Variants in ZNF227 observed in about 807,000 individuals in gnomAD.
The protein encoded by ZNF227 is zinc finger protein 227.
Under a neutral mutation model 13.2 loss-of-function variants are expected in ZNF227, and 12 were observed. The ratio of observed to expected loss-of-function variants is 0.91; its 90% CI spans 0.58 to 1.47. ZNF227 has a LOEUF of 1.47. ZNF227 is among the 40% of genes most tolerant of loss of function. The pLI, the probability that ZNF227 is intolerant of heterozygous loss-of-function variation, is 0.00. For missense variants in ZNF227, 885 were observed against 967.5 expected (o/e 0.91, Z 1.13); for synonymous variants, 338 against 326.0 (o/e 1.04, Z -0.40).
Position 44,234,717 on chromosome 19 carries a change from A to C in ZNF227, c.287A>C (p.Asn96Thr). Residue 96 changes from asparagine (N) to threonine (T), a missense_variant, in exon 6 of 6, where the codon AAT becomes ACT. Asn to Thr is a moderately conservative substitution (Grantham distance 65). Transcript: ENST00000313040. Reference protein sequence around the residue: ...TETQRSSKHQNKMETLQKFAL... With the variant: ...TETQRSSKHQTKMETLQKFAL... ...TTTTTAATAGGCAGCAAGCATCAAAATAAGATGGAAACACTCCAAAAATTT... is the reference window on the plus strand; with the variant it reads ...TTTTTAATAGGCAGCAAGCATCAAACTAAGATGGAAACACTCCAAAAATTT... 1 of 1,587,668 alleles carries C rather than the reference A, an allele frequency of 6.3e-7. No homozygotes were observed. Among genetic ancestry groups the C allele is most frequent in the East Asian group, 2.2e-5 (1 of 44,768 alleles).
At chr19:44,208,528 G>A (rs558918958), upstream of ZNF227, among the ~76,000 whole-genome samples, 23 of 152,274 alleles carry the variant, frequency 1.5e-4, no homozygotes, top group East Asian at 7.7e-4. Context: ...GGCTTACATA[G>A]CCGCTAATGA....
intron 5 of ZNF227, among the ~76,000 whole-genome samples, chr19:44,232,661 CTTGT>C (rs1386257499): frequency 6.6e-6 from 1 of 151,002 alleles, no homozygotes; most frequent in African/African-American, 2.4e-5. Flanking sequence ...CTATAAATTG[CTTGT>C]TTTTTTGTTT....
chr19:44,220,259 T>C (rs1434828393), intron 3 of ZNF227, among the ~76,000 whole-genome samples: 1 of 152,172 alleles, frequency 6.6e-6, no homozygotes, highest in Non-Finnish European at 1.5e-5. Context: ...TGTGTCTTTA[T>C]AGCAGCATGA....
chr19:44,236,478 C>G lies in ZNF227; in HGVS notation c.2048C>G (p.Thr683Ser). 6.2e-7 allele frequency: 1 copy of G among 1,614,038 alleles called. No individual in the cohort carries two copies. Among genetic ancestry groups the G allele is most frequent in the Non-Finnish European group, 8.5e-7 (1 of 1,180,024 alleles). The change falls in exon 6 of 6, where the codon ACT (threonine) becomes AGT (serine). Residue 683 changes from threonine to serine, a missense_variant. Physicochemically the swap from Thr to Ser is moderately conservative, Grantham distance 58. Coordinates refer to ENST00000313040, the MANE Select transcript of ZNF227 (RefSeq NM_182490.3). The part of the protein sequence containing the change: ...SQFIYHQRGH[T>S]GEKPYKCEEC... ...TTTATATACCATCAGAGAGGCCACA[C>G]TGGAGAAAAACCTTACAAATGTGAA...
At chr19:44,224,577 A>G (rs1004137952) in intron 3 of ZNF227, among the ~76,000 whole-genome samples, 1 of 152,116 alleles carries the variant, frequency 6.6e-6, no homozygotes, top group Non-Finnish European at 1.5e-5. Flanking sequence ...TATCAGAGAC[A>G]AGGATTGCAA....
In ZNF227 at chr19:44,235,099, A is replaced by G. The variant is rs1482361324; in HGVS notation, c.669A>G (p.Pro223=). 1 of 1,614,124 alleles carries G rather than the reference A, an allele frequency of 6.2e-7. No individual in the cohort carries two copies. The highest frequency in any genetic ancestry group is 2.2e-5 in the East Asian group (1 of 44,880). The change falls in exon 6 of 6, where the codon CCA becomes CCG. Residue 223 remains proline, a synonymous_variant. Transcript: ENST00000313040. ...AGCATATTAAAACTGACACAGAACC[A>G]AAACCCTGCAAAGGTAATGAATATG... is the stretch of plus-strand genomic sequence containing the variant. The part of the protein sequence containing the change: ...FHEHIKTDTE[P]KPCKGNEYGK...
At chr19:44,231,746 A>G (rs1337137869) in intron 5 of ZNF227, among the ~76,000 whole-genome samples, 2 of 149,586 alleles carry the variant, frequency 1.3e-5, no homozygotes, top group East Asian at 1.9e-4. Flanking sequence ...CACCAGTGTG[A>G]TTAATTATTT....
At chr19:44,230,368 C>A (rs1377355366) in intron 5 of ZNF227, among the ~76,000 whole-genome samples, 1 of 152,126 alleles carries the variant, frequency 6.6e-6, no homozygotes, top group Non-Finnish European at 1.5e-5. Context: ...TGCTCAGAAG[C>A]CTTCACAACC....
At position 44,236,127 on chromosome 19, in the gene ZNF227, A is replaced by G. The variant is rs749413484; in HGVS notation, c.1697A>G (p.His566Arg). ...AGTTATAGTTCAAATCTTAAACTAC[A>G]CCAAGTAATTCACACTGGAGAAAAA... ...DFSYSSNLKL[H>R]QVIHTGEKPY... The change falls in exon 6 of 6, where the codon CAC (histidine) becomes CGC (arginine). Residue 566 changes from histidine to arginine, a missense_variant. His to Arg is a conservative substitution (Grantham distance 29, BLOSUM62 0). Transcript: ENST00000313040. 1.2e-6 allele frequency: 2 copies of G among 1,614,068 alleles called. No homozygotes were observed. The highest frequency in any genetic ancestry group is 1.7e-6 in the Non-Finnish European group (2 of 1,180,030).
chr19:44,223,354 TGTAC>T (rs1972755954), intron 3 of ZNF227, among the ~76,000 whole-genome samples: 1 of 152,244 alleles, frequency 6.6e-6, no homozygotes, highest in African/African-American at 2.4e-5. Context: ...AGCTCCTCCT[TGTAC>T]CTCTGGTAGA....
At chr19:44,212,391 T>TTTTTC (rs1555787739), upstream of ZNF227, 3 of 140,866 alleles carry the variant, frequency 2.1e-5, no homozygotes, top group Admixed American at 7.4e-5. Context: ...TTTTTTTTTT[T>TTTTTC]CAAGCGCGAA....
At chr19:44,216,009 A>C (rs1180701461) in intron 2 of ZNF227, among the ~76,000 whole-genome samples, 1 of 135,286 alleles carries the variant, frequency 7.4e-6, no homozygotes, top group East Asian at 2.1e-4. Flanking sequence ...AAAAAAAAAA[A>C]AGATGTACCT....
At chr19:44,219,029 A>G (rs1194812213) in intron 3 of ZNF227, among the ~76,000 whole-genome samples, 1 of 152,210 alleles carries the variant, frequency 6.6e-6, no homozygotes, top group Non-Finnish European at 1.5e-5. Flanking sequence ...CTGGGATTAC[A>G]GGCATGTACC....
chr19:44,217,395 T>A (rs1461053784), intron 2 of ZNF227: 1 of 468,386 alleles, frequency 2.1e-6, no homozygotes, highest in Non-Finnish European at 4.2e-6. Flanking sequence ...GATTTATGAT[T>A]CTTACCATAT....
chr19:44,235,721 A>C lies in ZNF227; in HGVS notation c.1291A>C (p.Thr431Pro), dbSNP rs147661148. ...AHFHIHQRVH[T>P]GEKPYKCDVC... ...TTTTCACATCCATCAGAGAGTCCAC[A>C]CTGGAGAGAAACCCTACAAGTGTGA... The change falls in exon 6 of 6, where the codon ACT becomes CCT. Residue 431 changes from threonine (T) to proline (P), a missense_variant. Coordinates refer to ENST00000313040, the MANE Select transcript of ZNF227 (RefSeq NM_182490.3). 1 of 1,613,978 alleles carries C rather than the reference A, an allele frequency of 6.2e-7. No homozygotes were observed. Among genetic ancestry groups the C allele is most frequent in the African/African-American group, 1.3e-5 (1 of 74,900 alleles).
intron 5 of ZNF227, among the ~76,000 whole-genome samples, chr19:44,230,926 A>AATATATATATATATATAT (rs58952117): frequency 1.3e-4 from 9 of 68,108 alleles, no homozygotes; most frequent in African/African-American, 7.8e-4. Flanking sequence ...AAAAAAAAAA[A>AATATATATATATATATAT]ATATATATAT....
At position 44,236,533 on chromosome 19, in the gene ZNF227, G is replaced by C; in HGVS notation, c.2103G>C (p.Leu701Phe). 6.2e-7 allele frequency: 1 copy of C among 1,613,136 alleles called. No individual in the cohort carries two copies. The highest frequency in any genetic ancestry group is 1.1e-5 in the South Asian group (1 of 91,022). Residue 701 changes from leucine to phenylalanine, a missense_variant, in exon 6 of 6, where the codon TTG (leucine) becomes TTC (phenylalanine). Transcript: ENST00000313040. ...GTGGGAAAGGCTTTGGTAGGAGCTTGAATCTTCGCCATCATCAGAGGGTCC... is the reference window on the plus strand; with the variant it reads ...GTGGGAAAGGCTTTGGTAGGAGCTTCAATCTTCGCCATCATCAGAGGGTCC... ...EECGKGFGRS[L>F]NLRHHQRVHT...
intron 3 of ZNF227, 143 bp from the exon 4 acceptor site, chr19:44,228,303 G>GAA (rs1334451899): frequency 2.0e-5 from 18 of 921,206 alleles, no homozygotes; most frequent in Non-Finnish European, 2.9e-5. Context: ...GTGAGACAGG[G>GAA]AAAACTGTAA....
rs921003100 is a variant in ZNF227, at chr19:44,217,935, A to C, written c.60+83A>C. The C allele has an allele frequency of 3.9e-6, 6 of 1,522,446 alleles. No homozygotes were observed. In the Admixed American group the frequency reaches 1.0e-4, roughly 26 times the overall value. The allele number at this position is 1,522,446 out of a possible 1,614,324, so 94.3% of individuals were successfully genotyped here. On this transcript the variant is annotated intron_variant, in intron 3 of 5. Coordinates refer to ENST00000313040, the MANE Select transcript of ZNF227 (RefSeq NM_182490.3). ...GATTTATTTTTTCTCTTTCTTGGAA[A>C]GGTTAGTGGGAAACAGATATTCAGG...
Sources: gnomAD v4.1 joint callset for allele counts (sites outside exome capture counted in the v4.1 genomes callset) on GRCh38, gnomAD v4.1.1 for gene constraint, MANE v1.5 for transcripts, NCBI Gene and HGNC (gene_info 2026-07-23, HGNC 2026-07-21) for gene names.